The following FANCL variants were observed in gnomAD, a reference collection of about 807,000 sequenced individuals.
The protein encoded by FANCL is FA complementation group L.
In FANCL, 69 loss-of-function variants were observed where a neutral mutation model predicts 59.4. The ratio of observed to expected loss-of-function variants is 1.16; its 90% CI spans 0.96 to 1.42. FANCL has a LOEUF of 1.42. Ranked by LOEUF, FANCL falls within the 40% of genes most tolerant of loss-of-function variation. The probability of loss-of-function intolerance (pLI) is 0.00; values close to 1 mark genes in which losing one functional copy is unlikely to be tolerated. For missense variants in FANCL, 519 were observed against 447.2 expected (o/e 1.16, Z -1.45); for synonymous variants, 180 against 147.1 (o/e 1.22, Z -1.62).
intron 7 of FANCL, among the ~76,000 whole-genome samples, chr2:58,181,030 T>G (rs1687891095): frequency 6.6e-6 from 1 of 151,968 alleles, no homozygotes; most frequent in African/African-American, 2.4e-5. Flanking sequence ...CTAAATATAT[T>G]CCTACCTTAA....
chr2:58,205,726 A>G (rs771818903), intron 5 of FANCL, among the ~76,000 whole-genome samples: 3 of 152,138 alleles, frequency 2.0e-5, no homozygotes, highest in Non-Finnish European at 4.4e-5. Context: ...ATAAAACAGA[A>G]AAGAAGAGAG....
At chr2:58,199,468 A>G (rs977753766) in intron 6 of FANCL, among the ~76,000 whole-genome samples, 5 of 152,182 alleles carry the variant, frequency 3.3e-5, no homozygotes, top group Non-Finnish European at 7.4e-5. Context: ...TATTAAAGAT[A>G]TTAATTTTAG....
At chr2:58,203,623 C>A (rs1690277926) in intron 6 of FANCL, among the ~76,000 whole-genome samples, 1 of 151,964 alleles carries the variant, frequency 6.6e-6, no homozygotes, top group Non-Finnish European at 1.5e-5. Flanking sequence ...TAAATAGAGG[C>A]ATAACCTCTG....
intron 7 of FANCL, among the ~76,000 whole-genome samples, chr2:58,176,349 T>C (rs994399818): frequency 6.6e-6 from 1 of 152,000 alleles, no homozygotes; most frequent in Non-Finnish European, 1.5e-5. Context: ...AGAACAAAGC[T>C]GGAGGCATCA....
At chr2:58,173,617 A>G (rs1367109006) in intron 7 of FANCL, among the ~76,000 whole-genome samples, 1 of 152,206 alleles carries the variant, frequency 6.6e-6, no homozygotes, top group Non-Finnish European at 1.5e-5. Flanking sequence ...GGCCTGCCCG[A>G]AAAGAGCTCC....
chr2:58,209,306 G>C (rs987812071), intron 5 of FANCL, among the ~76,000 whole-genome samples: 1 of 152,146 alleles, frequency 6.6e-6, no homozygotes, highest in African/African-American at 2.4e-5. Flanking sequence ...TCATGTGTAA[G>C]TTTCAAACAA....
Position 58,159,554 on chromosome 2 carries a change from A to C in FANCL, c.*211T>G, listed in dbSNP as rs149451697. On this transcript the variant is annotated 3_prime_UTR_variant, in exon 14 of 14. Transcript: ENST00000233741. ...TCCACAGTCAGCACGGGGATCACAG[A>C]CTTAGAAAGTTCAACTGGACTTTGG... The C allele has an allele frequency of 2.4e-5, 38 of 1,613,818 alleles. 1 individual carries two copies. In the African/African-American group the frequency reaches 4.9e-4, roughly 21 times the overall value.
chr2:58,180,055 T>C (rs1361931439), intron 7 of FANCL, among the ~76,000 whole-genome samples: 1 of 152,124 alleles, frequency 6.6e-6, no homozygotes, highest in East Asian at 1.9e-4. Context: ...TGGCGATCAT[T>C]AAAAAGTCAG....
intron 7 of FANCL, among the ~76,000 whole-genome samples, chr2:58,174,456 AT>A (rs1448740701): frequency 1.3e-5 from 2 of 152,226 alleles, no homozygotes; most frequent in East Asian, 1.9e-4. Context: ...CCACAGTGCA[AT>A]CAAACTAGAA....
chr2:58,241,343 C>A (rs371921135), upstream of FANCL: 5 of 1,608,396 alleles, frequency 3.1e-6, no homozygotes, highest in East Asian at 2.2e-5. Flanking sequence ...CACAGAAAAG[C>A]TCTAGACCTG....
chr2:58,224,480 T>C (rs891628130), intron 4 of FANCL, among the ~76,000 whole-genome samples: 4 of 151,850 alleles, frequency 2.6e-5, no homozygotes, highest in Admixed American at 6.6e-5. Context: ...TAGAAATTAA[T>C]TTTAAACTAT....
chr2:58,239,504 A>C (rs1694319641), intron 1 of FANCL, among the ~76,000 whole-genome samples: 2 of 152,232 alleles, frequency 1.3e-5, no homozygotes. Flanking sequence ...TAGACATGAC[A>C]ACTAAATGTA....
rs1692201747 is a variant in FANCL at position 58,219,171 on chromosome 2, A to AATATATACAT, written c.374+2770_374+2771insATGTATATAT. 3.7e-3 allele frequency among the ~76,000 whole-genome samples: 71 copies of AATATATACAT among 19,246 alleles called. 1 individual carries two copies. The highest frequency in any genetic ancestry group is 0.026 in the Middle Eastern group (1 of 38). 12.6% of individuals were successfully genotyped at this position (19,246 alleles called of 152,430 possible). ...AAAAAAAAAAAAAAAAAAAAAAAAA[A>AATATATACAT]ATATATATATATATATATATATATA... On this transcript the variant is annotated intron_variant, in intron 5 of 13. Transcript: ENST00000233741.
At chr2:58,175,061 A>T (rs1269321725) in intron 7 of FANCL, among the ~76,000 whole-genome samples, 20 of 151,470 alleles carry the variant, frequency 1.3e-4, no homozygotes, top group African/African-American at 4.9e-4. Context: ...CTCGACACAT[A>T]CTCCCTCCCA....
At chr2:58,179,146 G>T (rs757332234) in intron 7 of FANCL, among the ~76,000 whole-genome samples, 1 of 152,100 alleles carries the variant, frequency 6.6e-6, no homozygotes, top group Non-Finnish European at 1.5e-5. Context: ...TCGTGAAAAT[G>T]GCCATACTGC....
chr2:58,165,709 C>CCT lies in FANCL; in HGVS notation c.691+13_691+14dup, dbSNP rs750429919. ...AAACACCTAAAAACAAACCCTTAAT[C>CCT]CTCCTTGTCCCTACCTAATGCAATT... On this transcript the variant is annotated intron_variant, in intron 8 of 13. Coordinates refer to ENST00000233741, the MANE Select transcript of FANCL (RefSeq NM_018062.4). 1 of 1,613,984 alleles carries CCT rather than the reference C, an allele frequency of 6.2e-7. No homozygotes were observed. The highest frequency in any genetic ancestry group is 1.1e-5 in the South Asian group (1 of 91,082).
chr2:58,172,260 C>A (rs1455295325), intron 7 of FANCL, among the ~76,000 whole-genome samples: 1 of 152,198 alleles, frequency 6.6e-6, no homozygotes, highest in Non-Finnish European at 1.5e-5. Context: ...GTTCTCTCAG[C>A]ACGCACCTGG....
chr2:58,184,956 C>G (rs1688261675), intron 7 of FANCL, among the ~76,000 whole-genome samples: 1 of 152,052 alleles, frequency 6.6e-6, no homozygotes. Flanking sequence ...GCACACCAAC[C>G]CACCACAGAC....
chr2:58,213,444 G>A (rs1691382764), intron 5 of FANCL: 1 of 152,108 alleles, frequency 6.6e-6, no homozygotes, highest in African/African-American at 2.4e-5. Flanking sequence ...AGACAGTAAT[G>A]GATTAACACA....
Sources: allele counts gnomAD v4.1 joint callset (sites outside exome capture counted in the v4.1 genomes callset), GRCh38; gene constraint gnomAD v4.1.1; transcripts MANE v1.5; gene names NCBI Gene and HGNC (gene_info 2026-07-23, HGNC 2026-07-21).